The following FGGY variants were observed in gnomAD, a reference collection of about 807,000 sequenced individuals.
FGGY encodes the protein FGGY carbohydrate kinase domain-containing protein.
A neutral mutation model predicts 71.3 loss-of-function variants in FGGY; 72 were observed. The ratio of observed to expected loss-of-function variants is 1.01; its 90% CI spans 0.84 to 1.23. FGGY has a LOEUF of 1.23. Ranked by LOEUF, FGGY falls within the 50% of genes most tolerant of loss-of-function variation. FGGY has a pLI of 0.00. For synonymous variants in FGGY, 251 were observed against 250.3 expected, an observed-to-expected ratio of 1.00 and a Z score of -0.02; for missense variants, 668 against 682.3, an observed-to-expected ratio of 0.98 and a Z score of 0.23.
chr1:59,650,305 G>T (rs2097144626), intron 11 of FGGY, among the ~76,000 whole-genome samples: 1 of 140,350 alleles, frequency 7.1e-6, no homozygotes, highest in Non-Finnish European at 1.5e-5. Context: ...CTATTGATTG[G>T]AATAGTTTCA....
chr1:59,336,787 T>C (rs2153190934), intron 2 of FGGY, among the ~76,000 whole-genome samples: 1 of 152,174 alleles, frequency 6.6e-6, no homozygotes, highest in South Asian at 2.1e-4. Context: ...GGAGAATCTG[T>C]AGGTTAATTT....
chr1:59,425,007 T>A (rs1237274809), intron 5 of FGGY, among the ~76,000 whole-genome samples: 2 of 152,364 alleles, frequency 1.3e-5, no homozygotes, highest in East Asian at 3.9e-4. Context: ...AAATTTGGAC[T>A]CTTTCCCTTA....
intron 4 of FGGY, among the ~76,000 whole-genome samples, chr1:59,362,203 A>G (rs200296569): frequency 7.5e-6 from 1 of 133,058 alleles, no homozygotes; most frequent in East Asian, 2.4e-4. Flanking sequence ...TCTTTCTCCT[A>G]TTTAATTTTT....
At chr1:59,421,565 T>C (rs1004659645) in intron 5 of FGGY, among the ~76,000 whole-genome samples, 18 of 143,732 alleles carry the variant, frequency 1.3e-4, no homozygotes, top group South Asian at 7.2e-4. Flanking sequence ...CCTCCCCTCC[T>C]CCTTCCCCTC....
chr1:59,648,197 C>A (rs1225610731), intron 11 of FGGY, among the ~76,000 whole-genome samples: 6 of 110,960 alleles, frequency 5.4e-5, no homozygotes, highest in Admixed American at 1.8e-4. Flanking sequence ...TGAATAGTGC[C>A]GCAATAAACA....
intron 14 of FGGY, among the ~76,000 whole-genome samples, chr1:59,752,228 T>C (rs769545075): frequency 1.3e-5 from 2 of 152,242 alleles, no homozygotes; most frequent in Non-Finnish European, 2.9e-5. Context: ...TGGATGCCAC[T>C]TAAGAAACAC....
At chr1:59,648,882 G>C (rs2097127312) in intron 11 of FGGY, among the ~76,000 whole-genome samples, 1 of 152,034 alleles carries the variant, frequency 6.6e-6, no homozygotes, top group Non-Finnish European at 1.5e-5. Flanking sequence ...TATGGTTTTA[G>C]GTCTAATGTT....
At chr1:59,644,973 C>T (rs1487676126) in intron 11 of FGGY, among the ~76,000 whole-genome samples, 1 of 143,920 alleles carries the variant, frequency 6.9e-6, no homozygotes, top group African/African-American at 2.8e-5. Context: ...GAGGCTCCAT[C>T]TCAAAAAAAA....
At chr1:59,332,861 CAG>C (rs1219716881) in intron 2 of FGGY, among the ~76,000 whole-genome samples, 2 of 152,196 alleles carry the variant, frequency 1.3e-5, no homozygotes, top group Non-Finnish European at 2.9e-5. Context: ...TTACGTGACA[CAG>C]AGAGCAAGCA....
At chr1:59,371,761 A>G (rs1348466420) in intron 4 of FGGY, among the ~76,000 whole-genome samples, 1 of 152,182 alleles carries the variant, frequency 6.6e-6, no homozygotes, top group Admixed American at 6.5e-5. Context: ...AACTCACTCA[A>G]AACTGCTCAA....
At chr1:59,592,831 T>C (rs2096469214) in intron 8 of FGGY, among the ~76,000 whole-genome samples, 1 of 151,902 alleles carries the variant, frequency 6.6e-6, no homozygotes, top group South Asian at 2.1e-4. Flanking sequence ...ATATACCTAA[T>C]GCTAAATGAC....
rs547910517 is a variant in FGGY at position 59,475,705 on chromosome 1, G to A, written c.670+18629G>A. On this transcript the variant is annotated intron_variant, in intron 6 of 15. Transcript: ENST00000303721. ...GTACTTTCTGCTTTGCTCCAAAGTG[G>A]ACCCGGAATGAGGCATTCCTGCCCC... Among the ~76,000 whole-genome samples the A allele has an allele frequency of 2.0e-5, 3 of 152,264 alleles. 1 individual carries two copies. The South Asian group carries it at 6.2e-4, about 32-fold the overall frequency.
chr1:59,576,677 G>GACACACAC (rs57817494), intron 8 of FGGY, among the ~76,000 whole-genome samples: 116 of 130,122 alleles, frequency 8.9e-4, no homozygotes, highest in East Asian at 2.0e-3. Context: ...CAGACAGACA[G>GACACACAC]ACACACACAC....
chr1:59,402,338 T>C (rs1327504471), intron 5 of FGGY, among the ~76,000 whole-genome samples: 4 of 152,210 alleles, frequency 2.6e-5, no homozygotes, highest in African/African-American at 9.6e-5. Flanking sequence ...AGTGCTTGCC[T>C]TTCCCTAATG....
intron 6 of FGGY, among the ~76,000 whole-genome samples, chr1:59,460,219 C>A (rs1472951352): frequency 6.6e-6 from 1 of 152,146 alleles, no homozygotes; most frequent in African/African-American, 2.4e-5. Flanking sequence ...TTCCAACAGT[C>A]TTAGCAAACG....
At chr1:59,743,942 C>A (rs1445481411) in intron 14 of FGGY, among the ~76,000 whole-genome samples, 1 of 152,200 alleles carries the variant, frequency 6.6e-6, no homozygotes, top group Non-Finnish European at 1.5e-5. Flanking sequence ...CTCCCCTGCC[C>A]AGGCAGCATG....
At chr1:59,519,031 TA>T (rs1290352304) in intron 7 of FGGY, among the ~76,000 whole-genome samples, 2 of 152,230 alleles carry the variant, frequency 1.3e-5, no homozygotes, top group Non-Finnish European at 2.9e-5. Context: ...ATATTTATCT[TA>T]CACTTAGTTC....
At chr1:59,481,459 T>C (rs2093464556) in intron 6 of FGGY, among the ~76,000 whole-genome samples, 2 of 152,146 alleles carry the variant, frequency 1.3e-5, no homozygotes, top group Admixed American at 6.5e-5. Context: ...TCTTCCTGAA[T>C]GCATGTCCCT....
At chr1:59,628,311 C>T (rs754948456) in intron 10 of FGGY, among the ~76,000 whole-genome samples, 4 of 152,130 alleles carry the variant, frequency 2.6e-5, no homozygotes, top group Non-Finnish European at 5.9e-5. Flanking sequence ...AATGATTAAA[C>T]TCAGTGTAAA....
Sources: allele counts gnomAD v4.1 joint callset (sites outside exome capture counted in the v4.1 genomes callset), GRCh38; gene constraint gnomAD v4.1.1; transcripts MANE v1.5; gene names NCBI Gene and HGNC (gene_info 2026-07-23, HGNC 2026-07-21).